The following XPR1 variants were observed in gnomAD, a reference collection of about 807,000 sequenced individuals.
The protein encoded by XPR1 is solute carrier family 53 member 1.
In XPR1, 28 loss-of-function variants were observed where a neutral mutation model predicts 87.5. That is an observed-to-expected ratio of 0.32 (90% CI 0.24 to 0.44). The LOEUF (loss-of-function observed/expected upper bound fraction) is 0.44. Among genes scored for constraint, XPR1 ranks in the 20% least tolerant of loss-of-function variants. XPR1 has a pLI of 1.00. For missense variants in XPR1, 559 were observed against 862.3 expected (o/e 0.65, Z 4.41); for synonymous variants, 300 against 306.1 (o/e 0.98, Z 0.21).
chr1:180,783,890 AC>A (rs2102083963), intron 2 of XPR1, among the ~76,000 whole-genome samples: 1 of 151,942 alleles, frequency 6.6e-6, no homozygotes, highest in East Asian at 1.9e-4. Context: ...CCCCATCTCT[AC>A]TAAAACTGCA....
chr1:180,866,211 TA>T (rs59697131), intron 12 of XPR1, among the ~76,000 whole-genome samples: 3,296 of 142,088 alleles, frequency 0.023, 123 homozygotes, highest in African/African-American at 0.081. Context: ...GACCCTGTCT[TA>T]AAAAAAAAAA....
intron 2 of XPR1, among the ~76,000 whole-genome samples, chr1:180,710,046 C>T (rs1657709384): frequency 1.3e-5 from 2 of 151,990 alleles, no homozygotes. Context: ...GCTGGTACTA[C>T]AGGCACCTGG....
At chr1:180,633,693 G>A (rs1433323124) in intron 1 of XPR1, among the ~76,000 whole-genome samples, 1 of 152,210 alleles carries the variant, frequency 6.6e-6, no homozygotes, top group African/African-American at 2.4e-5. Context: ...TTGTAAGAAT[G>A]AGTGAAATAA....
chr1:180,712,318 G>A (rs1025562967), intron 2 of XPR1, among the ~76,000 whole-genome samples: 1 of 152,162 alleles, frequency 6.6e-6, no homozygotes, highest in Admixed American at 6.5e-5. Context: ...TTCCCTATAC[G>A]AAGGGATGAT....
chr1:180,778,716 T>TA (rs895842779), intron 2 of XPR1, among the ~76,000 whole-genome samples: 4 of 152,008 alleles, frequency 2.6e-5, no homozygotes, highest in South Asian at 4.2e-4. Flanking sequence ...ACTACTACCT[T>TA]AAAAAAAATC....
chr1:180,682,537 A>G (rs1167700009), intron 2 of XPR1, 126 bp downstream of exon 2: 1 of 388,082 alleles, frequency 2.6e-6, no homozygotes, highest in Non-Finnish European at 4.3e-6. Context: ...TTTCCCTTTT[A>G]ATAATATATA....
At chr1:180,714,364 T>C (rs182712682) in intron 2 of XPR1, among the ~76,000 whole-genome samples, 33 of 127,930 alleles carry the variant, frequency 2.6e-4, no homozygotes, top group African/African-American at 5.4e-4. Flanking sequence ...TCTCTCTCTC[T>C]CTCTCTCTCT....
intron 1 of XPR1, among the ~76,000 whole-genome samples, chr1:180,642,871 G>A (rs373776782): frequency 6.6e-6 from 1 of 152,074 alleles, no homozygotes. Context: ...TAGAGATTGA[G>A]TATGATGTTA....
rs1652953114 is a variant in XPR1, at chr1:180,884,696, A to G, written c.*630A>G. ...GTTACACATAGTTTTCTCATTATTT[A>G]TGAAACTTAACCATACAGAATGATA... On this transcript the variant is annotated 3_prime_UTR_variant, in exon 15 of 15. Coordinates refer to ENST00000367590, the MANE Select transcript of XPR1 (RefSeq NM_004736.4). The G allele has an allele frequency of 6.5e-6, 1 of 152,674 alleles. No individual in the cohort carries two copies. Among genetic ancestry groups the G allele is most frequent in the Admixed American group, 6.5e-5 (1 of 15,284 alleles). 9.5% of individuals were successfully genotyped at this position (152,674 alleles called of 1,614,324 possible).
At chr1:180,774,531 C>T (rs1020118010) in intron 2 of XPR1, among the ~76,000 whole-genome samples, 6 of 151,762 alleles carry the variant, frequency 4.0e-5, no homozygotes, top group Non-Finnish European at 7.4e-5. Flanking sequence ...GCTGGGACTA[C>T]AGGCACCCGC....
intron 6 of XPR1, among the ~76,000 whole-genome samples, chr1:180,807,158 A>G (rs1650023357): frequency 6.6e-6 from 1 of 152,202 alleles, no homozygotes; most frequent in Non-Finnish European, 1.5e-5. Flanking sequence ...TGGCCCAAAA[A>G]AGGGTATTCA....
intron 2 of XPR1, among the ~76,000 whole-genome samples, chr1:180,730,853 G>A (rs188246725): frequency 3.3e-5 from 5 of 151,638 alleles, no homozygotes; most frequent in African/African-American, 9.7e-5. Flanking sequence ...TTTTTGTAGA[G>A]ATGAGGTCTT....
rs1187600051 is a variant in XPR1 at position 180,787,741 on chromosome 1, C to T, written c.122-12C>T. 3.2e-6 allele frequency: 5 copies of T among 1,549,364 alleles called. No homozygotes were observed. In the African/African-American group the frequency reaches 5.6e-5, roughly 17 times the overall value. On this transcript the variant is annotated splice_polypyrimidine_tract_variant and intron_variant, in intron 2 of 14. Transcript: ENST00000367590. ...GGACATTAAATTTAAATATTGTTTT[C>T]CTGTCTTTCAGTTACAGATGAGGAC...
intron 1 of XPR1, among the ~76,000 whole-genome samples, chr1:180,655,744 C>T (rs1655437413): frequency 6.6e-6 from 1 of 151,482 alleles, no homozygotes; most frequent in Non-Finnish European, 1.5e-5. Context: ...GGTCTTTTAT[C>T]CTTTTTGAGT....
At chr1:180,712,859 A>G (rs1456360735) in intron 2 of XPR1, among the ~76,000 whole-genome samples, 1 of 151,710 alleles carries the variant, frequency 6.6e-6, no homozygotes, top group Non-Finnish European at 1.5e-5. Flanking sequence ...TTGTTCATGT[A>G]TATGTAGGTC....
intron 1 of XPR1, among the ~76,000 whole-genome samples, chr1:180,668,188 G>GT (rs1466369432): frequency 2.1e-5 from 3 of 142,272 alleles, no homozygotes; most frequent in Non-Finnish European, 4.5e-5. Flanking sequence ...GAGTGCAGTG[G>GT]TGTGATCTCA....
chr1:180,789,547 C>T (rs1035003308), intron 3 of XPR1, among the ~76,000 whole-genome samples: 2 of 152,080 alleles, frequency 1.3e-5, no homozygotes, highest in African/African-American at 2.4e-5. Context: ...GTTTATCATA[C>T]ATGTCTTAGA....
chr1:180,772,386 T>G (rs1239668166), intron 2 of XPR1, among the ~76,000 whole-genome samples: 1 of 152,174 alleles, frequency 6.6e-6, no homozygotes, highest in Non-Finnish European at 1.5e-5. Context: ...GAATGTTATT[T>G]AGGAACCAAG....
chr1:180,799,791 G>A (rs1210493501), intron 3 of XPR1, among the ~76,000 whole-genome samples: 1 of 152,160 alleles, frequency 6.6e-6, no homozygotes, highest in Non-Finnish European at 1.5e-5. Context: ...TATCAGATGT[G>A]TAGCTGCATG....
Sources: allele counts gnomAD v4.1 joint callset (sites outside exome capture counted in the v4.1 genomes callset), GRCh38; gene constraint gnomAD v4.1.1; transcripts MANE v1.5; gene names NCBI Gene and HGNC (gene_info 2026-07-23, HGNC 2026-07-21).